The following CEP85L variants were observed in gnomAD, a reference collection of about 807,000 sequenced individuals.
The protein encoded by CEP85L is centrosomal protein of 85 kDa-like.
CEP85L carries 60 observed loss-of-function variants against 100.3 expected under a neutral mutation model. The observed-to-expected ratio is 0.60, with a 90% CI of 0.49 to 0.74. The LOEUF (loss-of-function observed/expected upper bound fraction) is 0.74, where lower values mean the gene tolerates loss of function less well. Among genes scored for constraint, CEP85L ranks in the 30% least tolerant of loss-of-function variants. The pLI is 0.00. For synonymous variants in CEP85L, 319 were observed against 322.7 expected (o/e 0.99, Z 0.12); for missense variants, 973 against 936.2 (o/e 1.04, Z -0.51).
chr6:118,465,212 A>AC lies in CEP85L; in HGVS notation c.*192_*193insG, dbSNP rs1554199880. The AC allele has an allele frequency of 6.0e-5, 29 of 481,134 alleles. No homozygotes were observed. Among genetic ancestry groups the AC allele is most frequent in the Non-Finnish European group, 1.1e-5 (3 of 275,892 alleles). 29.8% of individuals were successfully genotyped at this position (481,134 alleles called of 1,614,324 possible). On this transcript the variant is annotated 3_prime_UTR_variant, in exon 13 of 13. Transcript: ENST00000368491. The stretch of plus-strand genomic sequence containing the variant: ...TATCATATTTTCCAAAGGTAATTTG[A>AC]TTTTTTTTCTTTTTGCCTGATTAGA...
chr6:118,672,309 A>T (rs559506686), intron 1 of CEP85L, among the ~76,000 whole-genome samples: 4 of 152,264 alleles, frequency 2.6e-5, no homozygotes, highest in African/African-American at 7.2e-5. Flanking sequence ...AAATGCTGGG[A>T]TTGCAGGCGT....
chr6:118,687,595 C>A (rs1776876639), intron 1 of CEP85L, among the ~76,000 whole-genome samples: 1 of 152,184 alleles, frequency 6.6e-6, no homozygotes. Context: ...GGGGAAGGGA[C>A]AATGCTCGGG....
chr6:118,544,082 T>C lies in CEP85L; in HGVS notation c.1021-20162A>G, dbSNP rs904823873. On this transcript the variant is annotated intron_variant, in intron 3 of 12. Transcript: ENST00000368491. The stretch of plus-strand genomic sequence containing the variant: ...ATCAGTGATAGTGCCACCACAAAGT[T>C]TGCGAATGCGAGGAGCTCAAAGGGC... Among the ~76,000 whole-genome samples the C allele has an allele frequency of 3.3e-5, 5 of 152,186 alleles. No homozygotes were observed. The East Asian group carries it at 7.7e-4, about 23-fold the overall frequency.
intron 2 of CEP85L, among the ~76,000 whole-genome samples, chr6:118,614,039 G>A (rs190772914): frequency 4.0e-4 from 61 of 152,140 alleles, no homozygotes; most frequent in African/African-American, 1.4e-3. Context: ...ATGACCAAGT[G>A]GCGCTTATTC....
At chr6:118,709,337 T>C (rs1777705780) in intron 1 of CEP85L, among the ~76,000 whole-genome samples, 1 of 152,280 alleles carries the variant, frequency 6.6e-6, no homozygotes, top group Non-Finnish European at 1.5e-5. Flanking sequence ...TGCCAGTCCC[T>C]GTCTGCTTTG....
At chr6:118,502,250 T>A in intron 5 of CEP85L, 1 of 594,478 alleles carries the variant, frequency 1.7e-6, no homozygotes, top group Non-Finnish European at 3.1e-6. Context: ...GACTCCACAT[T>A]TATGAATATC....
At chr6:118,557,539 T>C (rs1279106387) in intron 3 of CEP85L, among the ~76,000 whole-genome samples, 2 of 152,126 alleles carry the variant, frequency 1.3e-5, no homozygotes, top group African/African-American at 4.8e-5. Context: ...ACAGTGCACA[T>C]TAGGTTCACT....
At chr6:118,475,042 A>G (rs779001474) in intron 10 of CEP85L, among the ~76,000 whole-genome samples, 1 of 152,236 alleles carries the variant, frequency 6.6e-6, no homozygotes, top group Non-Finnish European at 1.5e-5. Flanking sequence ...GTTGAAAACA[A>G]CTGAATGATT....
At chr6:118,646,799 G>T in intron 1 of CEP85L, 1 of 338,348 alleles carries the variant, frequency 3.0e-6, no homozygotes, top group Non-Finnish European at 4.2e-6. Context: ...CATCTTTTCA[G>T]AGTATAAAAA....
At chr6:118,467,829 G>A (rs778998611) in intron 12 of CEP85L, among the ~76,000 whole-genome samples, 1 of 152,110 alleles carries the variant, frequency 6.6e-6, no homozygotes, top group Non-Finnish European at 1.5e-5. Flanking sequence ...GTCTGAGAGC[G>A]ACACTGAACA....
chr6:118,498,880 TA>T (rs1325501006), intron 5 of CEP85L, among the ~76,000 whole-genome samples: 2 of 152,078 alleles, frequency 1.3e-5, no homozygotes, highest in Admixed American at 6.6e-5. Flanking sequence ...AGATACACCT[TA>T]AAAAGATAAA....
At chr6:118,617,259 A>G (rs403684) in intron 2 of CEP85L, among the ~76,000 whole-genome samples, 145,681 of 152,208 alleles carry the variant, frequency 0.96, 69,738 homozygotes, top group South Asian at 0.97. Context: ...ATTTACTTAT[A>G]TGTTTTCTTC....
chr6:118,495,085 T>C (rs1774832458), intron 5 of CEP85L, among the ~76,000 whole-genome samples: 1 of 151,742 alleles, frequency 6.6e-6, no homozygotes, highest in Non-Finnish European at 1.5e-5. Flanking sequence ...ATTCCTGAAC[T>C]TGGGATATGA....
intron 4 of CEP85L, among the ~76,000 whole-genome samples, chr6:118,512,295 G>A (rs796509220): frequency 6.6e-5 from 10 of 152,200 alleles, no homozygotes; most frequent in African/African-American, 2.2e-4. Flanking sequence ...TAACCCTTGG[G>A]CACTCGGTTG....
chr6:118,567,530 C>T (rs1232103364), intron 2 of CEP85L, among the ~76,000 whole-genome samples: 1 of 151,896 alleles, frequency 6.6e-6, no homozygotes, highest in Non-Finnish European at 1.5e-5. Context: ...ATGTTATCAT[C>T]ATATATATCA....
chr6:118,536,277 A>T (rs1433956109), intron 3 of CEP85L, among the ~76,000 whole-genome samples: 1 of 152,192 alleles, frequency 6.6e-6, no homozygotes, highest in Non-Finnish European at 1.5e-5. Flanking sequence ...AAGTCAGAAC[A>T]GTAGAGATGG....
At chr6:118,512,685 G>C (rs1252222880) in intron 4 of CEP85L, among the ~76,000 whole-genome samples, 3 of 152,122 alleles carry the variant, frequency 2.0e-5, no homozygotes, top group Non-Finnish European at 4.4e-5. Flanking sequence ...CCCAGGGTTT[G>C]TAAGATGAGT....
intron 1 of CEP85L, among the ~76,000 whole-genome samples, chr6:118,678,251 G>A (rs564112531): frequency 6.6e-6 from 1 of 152,218 alleles, no homozygotes; most frequent in Non-Finnish European, 1.5e-5. Flanking sequence ...TGGACTGGCT[G>A]CTCAGAATTG....
At chr6:118,604,552 T>G (rs891817054) in intron 2 of CEP85L, among the ~76,000 whole-genome samples, 80 of 152,374 alleles carry the variant, frequency 5.3e-4, no homozygotes, top group African/African-American at 1.9e-3. Flanking sequence ...GAACTGTTTC[T>G]TCAATAGTCT....
Sources: gnomAD v4.1 joint callset for allele counts (sites outside exome capture counted in the v4.1 genomes callset) on GRCh38, gnomAD v4.1.1 for gene constraint, MANE v1.5 for transcripts, NCBI Gene and HGNC (gene_info 2026-07-23, HGNC 2026-07-21) for gene names.